The following DGKH variants were observed in gnomAD, a reference collection of about 807,000 sequenced individuals.
The protein encoded by DGKH is DAG kinase eta.
A neutral mutation model predicts 159.3 loss-of-function variants in DGKH; 90 were observed. The ratio of observed to expected loss-of-function variants is 0.57; its 90% CI spans 0.48 to 0.67. DGKH has a LOEUF of 0.67. Ranked by LOEUF, DGKH falls within the 30% of genes least tolerant of loss-of-function variation. The pLI, the probability that DGKH is intolerant of heterozygous loss-of-function variation, is 0.00. For synonymous variants in DGKH, 536 were observed against 553.8 expected, an observed-to-expected ratio of 0.97 and a Z score of 0.45; for missense variants, 1,181 against 1,506.1, an observed-to-expected ratio of 0.78 and a Z score of 3.57.
At chr13:42,092,889 G>T (rs1402605106) in intron 1 of DGKH, among the ~76,000 whole-genome samples, 1 of 152,046 alleles carries the variant, frequency 6.6e-6, no homozygotes, top group African/African-American at 2.4e-5. Flanking sequence ...ATACAACAAT[G>T]CAAAAGTACA....
intron 1 of DGKH, among the ~76,000 whole-genome samples, chr13:42,094,779 G>A (rs1954489737): frequency 6.6e-6 from 1 of 152,130 alleles, no homozygotes; most frequent in South Asian, 2.1e-4. Flanking sequence ...CTCAAAAAGA[G>A]TGCAAATTGA....
In DGKH at chr13:42,123,291, T is replaced by G. The variant is rs560855363; in HGVS notation, c.193-4172T>G. ...GATAATTATACCTGTTCATATTTTC[T>G]AAAAAAAAAATAAAGCAATGTAGAC... On this transcript the variant is annotated intron_variant, in intron 1 of 29. Coordinates refer to ENST00000337343, the MANE Select transcript of DGKH (RefSeq NM_178009.5). Among the ~76,000 whole-genome samples the G allele has an allele frequency of 2.7e-5, 4 of 149,144 alleles. No individual in the cohort carries two copies. The East Asian group carries it at 7.8e-4, about 29-fold the overall frequency.
chr13:42,101,003 C>T (rs1466808029), intron 1 of DGKH, among the ~76,000 whole-genome samples: 1 of 152,208 alleles, frequency 6.6e-6, no homozygotes, highest in African/African-American at 2.4e-5. Context: ...AGATTTTACT[C>T]CCATAACTCT....
At chr13:42,155,209 A>G in intron 3 of DGKH, 82 bp from the exon 4 acceptor site, 1 of 1,012,298 alleles carries the variant, frequency 9.9e-7, no homozygotes, top group Non-Finnish European at 1.4e-6. Flanking sequence ...TTAGAAATGG[A>G]ATTACCTCAG....
At chr13:42,246,979 A>T (rs1204335719), downstream of DGKH, among the ~76,000 whole-genome samples, 1 of 152,150 alleles carries the variant, frequency 6.6e-6, no homozygotes, top group Non-Finnish European at 1.5e-5. Flanking sequence ...ATATGACCAC[A>T]CAGATATCCG....
intron 28 of DGKH, 137 bp downstream of exon 28, chr13:42,219,931 T>C (rs1957924034): frequency 2.9e-6 from 2 of 678,256 alleles, no homozygotes; most frequent in Non-Finnish European, 4.9e-6. Flanking sequence ...ATACTGTCAT[T>C]GAATTCTATG....
chr13:42,059,991 C>T (rs117744342), intron 1 of DGKH, among the ~76,000 whole-genome samples: 1,800 of 151,732 alleles, frequency 0.012, 9 homozygotes, highest in Non-Finnish European at 0.017. Context: ...CTGCAAACTC[C>T]GCCTACCAGG....
Position 42,159,342 on chromosome 13 carries a change from C to G in DGKH, c.699C>G (p.Ile233Met), listed in dbSNP as rs373750070. Residue 233 changes from isoleucine (I) to methionine (M), a missense_variant, in exon 6 of 30, where the codon ATC becomes ATG. By Grantham distance (10) the Ile-to-Met change is conservative. Around this residue, in one of 5 missense-constraint regions of DGKH, gnomAD observed 369 missense variants for 519.4 expected, o/e 0.71. Coordinates refer to ENST00000337343, the MANE Select transcript of DGKH (RefSeq NM_178009.5). ...GTAAATGGACTACCCTGGCCTCCAT[C>G]GGGAAGGACATTATAGAAGATGAAG... The part of the protein sequence containing the change: ...NNCKWTTLAS[I>M]GKDIIEDEDG... 1.9e-6 allele frequency: 3 copies of G among 1,593,194 alleles called. No individual in the cohort carries two copies. Among genetic ancestry groups the G allele is most frequent in the Non-Finnish European group, 2.6e-6 (3 of 1,168,804 alleles).
chr13:42,063,320 C>G (rs1882317705), intron 1 of DGKH, among the ~76,000 whole-genome samples: 1 of 152,024 alleles, frequency 6.6e-6, no homozygotes, highest in African/African-American at 2.4e-5. Flanking sequence ...CTGACACATT[C>G]CAGCTGGTGG....
intron 29 of DGKH, among the ~76,000 whole-genome samples, chr13:42,252,215 T>C (rs1244132437): frequency 6.6e-6 from 1 of 152,148 alleles, no homozygotes; most frequent in Non-Finnish European, 1.5e-5. Context: ...TCTGTAAAAC[T>C]GTCCAGTAAT....
intron 1 of DGKH, 147 bp downstream of exon 1, chr13:42,049,112 GGCGGGGAAGGCGGGGA>G: frequency 8.9e-7 from 1 of 1,118,040 alleles, no homozygotes; most frequent in South Asian, 4.6e-5. Flanking sequence ...AGGCGGGGAA[GGCGGGGAAGGCGGGGA>G]AGGCGGGGAT....
chr13:42,110,961 C>G (rs191925775), intron 1 of DGKH, among the ~76,000 whole-genome samples: 4 of 152,136 alleles, frequency 2.6e-5, no homozygotes, highest in Admixed American at 2.6e-4. Flanking sequence ...GGCTTAACAC[C>G]TAGGTGATGG....
At chr13:42,143,268 A>C (rs903761977) in intron 3 of DGKH, among the ~76,000 whole-genome samples, 1 of 152,132 alleles carries the variant, frequency 6.6e-6, no homozygotes, top group African/African-American at 2.4e-5. Context: ...ATGGTGGATA[A>C]GCTTTTTGAT....
chr13:42,085,491 T>G (rs1954285705), intron 1 of DGKH, among the ~76,000 whole-genome samples: 1 of 152,180 alleles, frequency 6.6e-6, no homozygotes, highest in South Asian at 2.1e-4. Flanking sequence ...CTGACCATTC[T>G]CAAAATATGA....
intron 7 of DGKH, 111 bp from the exon 8 acceptor site, chr13:42,165,220 A>T: frequency 3.9e-6 from 2 of 514,630 alleles, no homozygotes; most frequent in South Asian, 8.6e-5. Context: ...TTTATGAATT[A>T]CTGAACATTT....
intron 17 of DGKH, among the ~76,000 whole-genome samples, chr13:42,197,397 T>C (rs1957229142): frequency 2.0e-5 from 3 of 151,970 alleles, no homozygotes; most frequent in African/African-American, 4.8e-5. Context: ...ATAAGGGAAA[T>C]TGGCATAAAG....
At chr13:42,204,005 T>C (rs1029888112) in intron 20 of DGKH, among the ~76,000 whole-genome samples, 2 of 152,180 alleles carry the variant, frequency 1.3e-5, no homozygotes, top group Admixed American at 1.3e-4. Context: ...CTCTATGAAA[T>C]GGACATTAAG....
intron 1 of DGKH, among the ~76,000 whole-genome samples, chr13:42,074,111 A>G (rs773489413): frequency 2.0e-5 from 3 of 152,256 alleles, no homozygotes; most frequent in Non-Finnish European, 4.4e-5. Context: ...AATTAAATAT[A>G]TATAAAATTA....
chr13:42,045,441 A>T (rs1880744396), upstream of DGKH, among the ~76,000 whole-genome samples: 1 of 152,244 alleles, frequency 6.6e-6, no homozygotes, highest in African/African-American at 2.4e-5. Context: ...AATGTAAATG[A>T]GAGGTTATAA....
Sources: allele counts gnomAD v4.1 joint callset (sites outside exome capture counted in the v4.1 genomes callset), GRCh38; gene constraint gnomAD v4.1.1; regional missense constraint gnomAD v4.1.1; transcripts MANE v1.5; gene names NCBI Gene and HGNC (gene_info 2026-07-23, HGNC 2026-07-21).